TRPM5: variants seen among roughly 807,000 people sequenced by gnomAD.
TRPM5 encodes the protein transient receptor potential cation channel subfamily M member 5.
In TRPM5, 121 loss-of-function variants were observed where a neutral mutation model predicts 124.9. The ratio of observed to expected loss-of-function variants is 0.97; its 90% CI spans 0.84 to 1.13. The LOEUF is 1.13. Ranked by LOEUF, TRPM5 falls within the 50% of genes most tolerant of loss-of-function variation. The pLI, the probability that TRPM5 is intolerant of heterozygous loss-of-function variation, is 0.00. For missense variants in TRPM5, 1,643 were observed against 1,589.1 expected (o/e 1.03, Z -0.58); for synonymous variants, 781 against 700.5 (o/e 1.11, Z -1.81).
At chr11:2,411,676 G>C (rs1850454793) in exon 17 of TRPM5, 1 of 1,612,700 alleles carries the variant, frequency 6.2e-7, no homozygotes, top group Non-Finnish European at 8.5e-7. Flanking sequence ...AGCTGCTTGT[G>C]TATGGCAAAG....
chr11:2,414,694 C>G (rs1360653876), intron 11 of TRPM5, 21 bp downstream of exon 16: 1 of 1,524,376 alleles, frequency 6.6e-7, no homozygotes, highest in Admixed American at 2.0e-5. Context: ...GCGGGCCCGG[C>G]CCCAGCCGCC....
At chr11:2,418,264 G>A (rs780540923) in exon 6 of TRPM5, 2 of 1,583,124 alleles carry the variant, frequency 1.3e-6, no homozygotes, top group Admixed American at 1.8e-5. Context: ...CAGGAGGTGG[G>A]GCTGGTTCAC....
chr11:2,414,000 G>T (rs1245534027), intron 12 of TRPM5, 61 bp downstream of exon 17: 9 of 1,434,004 alleles, frequency 6.3e-6, no homozygotes, highest in Non-Finnish European at 8.6e-6. Context: ...CTCAAGCTGG[G>T]CCCAGCTCGC....
the TRPM5 span, among the ~76,000 whole-genome samples, chr11:2,434,366 G>A: frequency 2.0e-3 from 303 of 150,606 alleles, 12 homozygotes; most frequent in East Asian, 0.041. Flanking sequence ...TAGGTACACC[G>A]TGTGTGTCTG....
exon 13 of TRPM5, chr11:2,413,549 C>T: frequency 6.2e-7 from 1 of 1,612,640 alleles, no homozygotes; most frequent in East Asian, 2.2e-5. Flanking sequence ...ATGGGCGTGC[C>T]TGCGGCCATG....
exon 6 of TRPM5, chr11:2,418,187 T>G (rs138834368): frequency 1.9e-6 from 3 of 1,578,772 alleles, no homozygotes; most frequent in Non-Finnish European, 2.6e-6. Flanking sequence ...CAGCGCACGA[T>G]GTCCTCCCAA....
In TRPM5 at chr11:2,422,007, C is replaced by T. The variant is rs369310874; in HGVS notation, c.298+134G>A. On this transcript the variant is annotated intron_variant, in intron 2 of 23. Coordinates refer to ENST00000155858, the Ensembl canonical transcript of TRPM5. ...TGTGGGGTGGGAGCATTGCCTGTGC[C>T]GGGTGGGGGGACAGTCAGGGGGTCT... The T allele has an allele frequency of 8.6e-5, 59 of 682,984 alleles. 2 individuals are homozygous for T. Among genetic ancestry groups the T allele is most frequent in the East Asian group, 8.5e-4 (26 of 30,552 alleles). The allele number at this position is 682,984 out of a possible 1,614,324, so 42.3% of individuals were successfully genotyped here. A position where few individuals can be genotyped will look rare whatever the true frequency, so the allele number is the denominator to read the frequency against.
In TRPM5 at chr11:2,413,130, G is replaced by A. The variant is rs978780013; in HGVS notation, c.2096+4C>T. On this transcript the variant is annotated splice_donor_region_variant and intron_variant, in intron 14 of 23. Transcript: ENST00000155858. ...TCCACCCTGCCTGGCCCTGTGCCTC[G>A]CACCGGCTCTGCAGGCCATACAGCG... 31 of 1,553,282 alleles carry A rather than the reference G, an allele frequency of 2.0e-5. No homozygotes were observed. The African/African-American group carries it at 3.4e-4, about 17-fold the overall frequency.
chr11:2,430,528 T>C, the TRPM5 span, among the ~76,000 whole-genome samples: 1 of 150,466 alleles, frequency 6.6e-6, no homozygotes, highest in African/African-American at 2.5e-5. Flanking sequence ...ATGATGATGA[T>C]AGTGCTGGTG....
At chr11:2,430,450 AGTG>A in the TRPM5 span, among the ~76,000 whole-genome samples, 57 of 151,496 alleles carry the variant, frequency 3.8e-4, no homozygotes, top group Non-Finnish European at 3.5e-4. Context: ...TGGTGATACT[AGTG>A]GTGGTGGTGG....
intron 3 of TRPM5, 56 bp downstream of exon 8, chr11:2,420,976 C>T: frequency 6.7e-7 from 1 of 1,489,374 alleles, no homozygotes; most frequent in Non-Finnish European, 8.9e-7. Context: ...CCAAACCCTT[C>T]TGAGCCCCTG....
rs202151348 is a variant in TRPM5, at chr11:2,406,095, C to T, written c.3252-4G>A. ...GTACTTGGCAATGAAGTCCACTCTG[C>T]GGCAGGAGCAGGTGGTCAGGCTGTG... On this transcript the variant is annotated splice_region_variant and splice_polypyrimidine_tract_variant and intron_variant, in intron 21 of 23. Transcript: ENST00000155858. 1.1e-5 allele frequency: 18 copies of T among 1,611,166 alleles called. No individual in the cohort carries two copies. The highest frequency in any genetic ancestry group is 1.1e-4 in the African/African-American group (8 of 75,024).
At chr11:2,420,084 T>A in intron 4 of TRPM5, 138 bp downstream of exon 9, 1 of 948,064 alleles carries the variant, frequency 1.1e-6, no homozygotes. Context: ...CAGGTCTCGG[T>A]GCTCAGGCAT....
chr11:2,415,732 G>A (rs1295256293), intron 8 of TRPM5, among the ~76,000 whole-genome samples, 174 bp downstream of exon 13: 1 of 152,220 alleles, frequency 6.6e-6, no homozygotes, highest in African/African-American at 2.4e-5. Flanking sequence ...CTCTGCCTGG[G>A]CCAGTGAGCG....
Position 2,415,062 on chromosome 11 carries a change from C to G in TRPM5, c.1480-15G>C, listed in dbSNP as rs747485582. 6.3e-7 allele frequency: 1 copy of G among 1,594,992 alleles called. No homozygotes were observed. Among genetic ancestry groups the G allele is most frequent in the South Asian group, 1.1e-5 (1 of 90,322 alleles). On this transcript the variant is annotated splice_polypyrimidine_tract_variant and intron_variant, in intron 9 of 23. Transcript: ENST00000155858. Reference sequence around the variant, plus strand: ...GGGCCCTTCTCCTGGAGGACACGGGCGTCGGCCTCCTGCTGCGGCCCCAGC... The same window carrying G: ...GGGCCCTTCTCCTGGAGGACACGGGGGTCGGCCTCCTGCTGCGGCCCCAGC...
intron 2 of TRPM5, 100 bp from the exon 8 acceptor site, chr11:2,421,298 T>C (rs2133534095): frequency 1.4e-6 from 2 of 1,394,540 alleles, no homozygotes; most frequent in Admixed American, 2.9e-5. Flanking sequence ...GCCAGTTACC[T>C]GGGAGCCAGG....
intron 20 of TRPM5, 68 bp from the exon 26 acceptor site, chr11:2,406,861 GT>G (rs1393981644): frequency 6.5e-7 from 1 of 1,546,390 alleles, no homozygotes; most frequent in African/African-American, 1.4e-5. Flanking sequence ...CCCAGGCCTG[GT>G]CCCGGGGCGA....
upstream of TRPM5, among the ~76,000 whole-genome samples, chr11:2,423,494 C>A (rs1377827692): frequency 6.6e-6 from 1 of 152,150 alleles, no homozygotes; most frequent in South Asian, 2.1e-4. Context: ...GATGTGGAGA[C>A]CCTGGGTGCA....
At chr11:2,425,770 A>T (rs1052329607), upstream of TRPM5, among the ~76,000 whole-genome samples, 2 of 152,110 alleles carry the variant, frequency 1.3e-5, no homozygotes, top group Non-Finnish European at 2.9e-5. Context: ...GCGTGTCCCC[A>T]GCACAGGGTG....
Sources: allele counts gnomAD v4.1 joint callset (sites outside exome capture counted in the v4.1 genomes callset), GRCh38; gene constraint gnomAD v4.1.1; transcripts MANE v1.5; gene names NCBI Gene and HGNC (gene_info 2026-07-23, HGNC 2026-07-21).